The following TMEM192 variants were observed in gnomAD, a reference collection of about 807,000 sequenced individuals.
TMEM192 encodes transmembrane protein 192.
A neutral mutation model predicts 26.7 loss-of-function variants in TMEM192; 20 were observed. The ratio of observed to expected loss-of-function variants is 0.75; its 90% CI spans 0.53 to 1.09. The LOEUF (loss-of-function observed/expected upper bound fraction) is 1.09, where lower values mean the gene tolerates loss of function less well. Among genes scored for constraint, TMEM192 ranks in the 50% least tolerant of loss-of-function variants. The pLI is 0.00. For synonymous variants in TMEM192, 124 were observed against 121.0 expected (o/e 1.02, Z -0.16); for missense variants, 304 against 322.6 (o/e 0.94, Z 0.44).
Position 165,074,109 on chromosome 4 carries a change from GCA to G in TMEM192, c.*5547_*5548del, listed in dbSNP as rs1734322690. On this transcript the variant is annotated 3_prime_UTR_variant, in exon 6 of 6. Transcript: ENST00000306480. ...GAGAAATACCCACAGGTGTGGAGGG[GCA>G]GACCCCCCCTCAATCAACTGAGCCA... The G allele has an allele frequency of 2.4e-5, 1 of 42,016 alleles. No individual in the cohort carries two copies. The highest frequency in any genetic ancestry group is 3.1e-4 in the Admixed American group (1 of 3,260). 2.6% of individuals were successfully genotyped at this position (42,016 alleles called of 1,614,324 possible). A position where few individuals can be genotyped will look rare whatever the true frequency, so the allele number is the denominator to read the frequency against.
rs1735325312 is a variant in TMEM192 at position 165,112,750 on chromosome 4, C to T, written c.24G>A (p.Glu8=). ...CCCGCCGCCTCCGTGCACTCACGTC[C>T]TCCATCCTGCCCCCCGCCGCCATTT... MAAGGRM[E]DGSLDITQSI... is the part of the protein sequence containing the mutation. The change falls in exon 1 of 6, where the codon GAG becomes GAA. Residue 8 remains glutamate, a synonymous_variant. Transcript: ENST00000306480. The T allele has an allele frequency of 6.2e-7, 1 of 1,609,026 alleles. No individual in the cohort carries two copies. The highest frequency in any genetic ancestry group is 8.5e-7 in the Non-Finnish European group (1 of 1,179,326).
At chr4:165,112,640 C>A (rs949054618) in intron 1 of TMEM192, 107 bp downstream of exon 1, 5 of 1,506,498 alleles carry the variant, frequency 3.3e-6, no homozygotes, top group African/African-American at 1.4e-5. Context: ...TCGGCCGCGG[C>A]CGCAGTCGCC....
In TMEM192 at chr4:165,103,241, AAATT is replaced by A. The variant is rs574051178; in HGVS notation, c.28-149_28-146del. On this transcript the variant is annotated intron_variant, in intron 1 of 5. Coordinates refer to ENST00000306480, the MANE Select transcript of TMEM192 (RefSeq NM_001100389.2). ...TGCCTACCTGAATCCAATTTTTTAA[AAATT>A]AATTATTAATTTAATTTAATTAATT... 1.3e-4 allele frequency: 60 copies of A among 472,120 alleles called. No homozygotes were observed. In the East Asian group the frequency reaches 1.6e-3, roughly 12 times the overall value. 29.2% of individuals were successfully genotyped at this position (472,120 alleles called of 1,614,324 possible).
intron 5 of TMEM192, among the ~76,000 whole-genome samples, chr4:165,084,450 C>T (rs900655488): frequency 1.3e-5 from 2 of 151,756 alleles, no homozygotes; most frequent in African/African-American, 4.8e-5. Context: ...CTACCCACCT[C>T]GGCCTCCGAA....
chr4:165,108,245 C>T (rs1735214600), intron 1 of TMEM192, among the ~76,000 whole-genome samples: 2 of 151,040 alleles, frequency 1.3e-5, no homozygotes, highest in South Asian at 4.2e-4. Context: ...GCCTCAGCCT[C>T]CCAAGTAGCT....
At chr4:165,095,206 G>T (rs747540445) in intron 3 of TMEM192, among the ~76,000 whole-genome samples, 1 of 152,116 alleles carries the variant, frequency 6.6e-6, no homozygotes, top group Admixed American at 6.6e-5. Flanking sequence ...CAGGGTTCTG[G>T]TAGGAAGAAA....
chr4:165,107,535 G>A (rs1367777666), intron 1 of TMEM192, among the ~76,000 whole-genome samples: 1 of 151,578 alleles, frequency 6.6e-6, no homozygotes, highest in Non-Finnish European at 1.5e-5. Flanking sequence ...GTAAAGGTGA[G>A]ATTTCACCAT....
intron 2 of TMEM192, among the ~76,000 whole-genome samples, chr4:165,102,733 G>C (rs1735065404): frequency 6.6e-6 from 1 of 150,766 alleles, no homozygotes; most frequent in Non-Finnish European, 1.5e-5. Context: ...TTACATGTGT[G>C]CAAATATATC....
intron 5 of TMEM192, among the ~76,000 whole-genome samples, chr4:165,085,320 G>A (rs1734586763): frequency 6.6e-6 from 1 of 151,162 alleles, no homozygotes. Flanking sequence ...GGTGCTTCAA[G>A]GAGGGAGTAA....
At chr4:165,081,401 T>G (rs1006320256) in intron 5 of TMEM192, among the ~76,000 whole-genome samples, 2 of 151,778 alleles carry the variant, frequency 1.3e-5, no homozygotes, top group African/African-American at 4.8e-5. Flanking sequence ...TTTTTTTTTT[T>G]GAGACGGAAA....
Position 165,102,784 on chromosome 4 carries a change from CTTTTTT to C in TMEM192, c.174+160_174+165del, listed in dbSNP as rs11315804. 3.8e-5 allele frequency among the ~76,000 whole-genome samples: 5 copies of C among 130,832 alleles called. No homozygotes were observed. The East Asian group carries it at 8.7e-4, about 23-fold the overall frequency. 85.8% of individuals were successfully genotyped at this position (130,832 alleles called of 152,430 possible). ...GAAGATATAAGTAAAAGTGTACGTA[CTTTTTT>C]TTTTTTTTTTTTGCCCATGACACAG... On this transcript the variant is annotated intron_variant, in intron 2 of 5. Coordinates refer to ENST00000306480, the MANE Select transcript of TMEM192 (RefSeq NM_001100389.2).
At chr4:165,079,844 C>T (rs751796966) in intron 5 of TMEM192, 48 bp from the exon 6 acceptor site, 3 of 1,553,490 alleles carry the variant, frequency 1.9e-6, no homozygotes, top group South Asian at 2.4e-5. Flanking sequence ...CACCAATACT[C>T]ATTAGTGTCT....
At chr4:165,092,369 G>A (rs1038630106) in intron 3 of TMEM192, among the ~76,000 whole-genome samples, 1 of 152,062 alleles carries the variant, frequency 6.6e-6, no homozygotes, top group African/African-American at 2.4e-5. Context: ...TGATCCGCGA[G>A]CCTCGGCCTC....
At chr4:165,090,084 G>T (rs1397288265) in intron 3 of TMEM192, among the ~76,000 whole-genome samples, 1 of 151,986 alleles carries the variant, frequency 6.6e-6, no homozygotes, top group African/African-American at 2.4e-5. Flanking sequence ...GCTGGCATAT[G>T]CCTGTAATCC....
rs1734359231 is a variant in TMEM192, at chr4:165,075,593, T to C, written c.*4065A>G. ...TTAGTATTTTTTTTTTTTTTTGAGATGGAGCCTGCTCTGTGGCCCAGGCTA... is the reference window on the plus strand; with the variant it reads ...TTAGTATTTTTTTTTTTTTTTGAGACGGAGCCTGCTCTGTGGCCCAGGCTA... On this transcript the variant is annotated 3_prime_UTR_variant, in exon 6 of 6. Coordinates refer to ENST00000306480, the MANE Select transcript of TMEM192 (RefSeq NM_001100389.2). 1 of 145,812 alleles carries C rather than the reference T, an allele frequency of 6.9e-6. No homozygotes were observed. The highest frequency in any genetic ancestry group is 2.2e-4 in the South Asian group (1 of 4,634). The allele number at this position is 145,812 out of a possible 1,614,324, so 9.0% of individuals were successfully genotyped here.
chr4:165,080,020 CTA>C lies in TMEM192; in HGVS notation c.678-226_678-225del, dbSNP rs372603967. Among the ~76,000 whole-genome samples the C allele has an allele frequency of 8.6e-3, 1,312 of 152,160 alleles. 9 individuals are homozygous for C. The highest frequency in any genetic ancestry group is 0.017 in the Middle Eastern group (5 of 294). ...TAAAATGCTATAAACTTTCACACCT[CTA>C]TGTTTTAAAAAAGGCCATCATTGCT... On this transcript the variant is annotated intron_variant, in intron 5 of 5. Coordinates refer to ENST00000306480, the MANE Select transcript of TMEM192 (RefSeq NM_001100389.2).
chr4:165,074,771 G>A lies in TMEM192; in HGVS notation c.*4887C>T, dbSNP rs1734338181. The A allele has an allele frequency of 6.6e-6, 1 of 151,926 alleles. No individual in the cohort carries two copies. Among genetic ancestry groups the A allele is most frequent in the South Asian group, 2.1e-4 (1 of 4,812 alleles). 9.4% of individuals were successfully genotyped at this position (151,926 alleles called of 1,614,324 possible). A position where few individuals can be genotyped will look rare whatever the true frequency, so the allele number is the denominator to read the frequency against. ...ATTTTGTATTTTTAGTAGAAATGGG[G>A]TTTCTCCATGTTGGTCAGGCTGGTC... is the stretch of plus-strand genomic sequence containing the variant. On this transcript the variant is annotated 3_prime_UTR_variant, in exon 6 of 6. Coordinates refer to ENST00000306480, the MANE Select transcript of TMEM192 (RefSeq NM_001100389.2).
chr4:165,091,169 A>G (rs1001297894), intron 3 of TMEM192, among the ~76,000 whole-genome samples: 1 of 151,580 alleles, frequency 6.6e-6, no homozygotes, highest in African/African-American at 2.4e-5. Context: ...CAGGAGGCTG[A>G]GGCAGGAGAA....
chr4:165,100,889 C>A lies in TMEM192; in HGVS notation c.178G>T (p.Val60Leu), dbSNP rs373678960. 1.2e-6 allele frequency: 2 copies of A among 1,607,674 alleles called. No individual in the cohort carries two copies. Among genetic ancestry groups the A allele is most frequent in the East Asian group, 4.5e-5 (2 of 44,698 alleles). ...GTTAAAAATGCTAAAACAACAAACA[C>A]GAGCTGGGGGAAAGGAGAGCAGAAA... ...IVNLLWFIHL[V>L]FVVLAFLTGV... The change falls in exon 3 of 6, where the codon GTG becomes TTG. Residue 60 changes from valine (V) to leucine (L), a missense_variant. Coordinates refer to ENST00000306480, the MANE Select transcript of TMEM192 (RefSeq NM_001100389.2).
Sources: allele counts gnomAD v4.1 joint callset (sites outside exome capture counted in the v4.1 genomes callset), GRCh38; gene constraint gnomAD v4.1.1; transcripts MANE v1.5; gene names NCBI Gene and HGNC (gene_info 2026-07-23, HGNC 2026-07-21).